The following LRP1B variants were observed in gnomAD, a reference collection of about 807,000 sequenced individuals.
The protein encoded by LRP1B is LDL receptor related protein 1B, also known as low-density lipoprotein receptor-related protein 1B.
LRP1B carries 217 observed loss-of-function variants against 556.6 expected under a neutral mutation model. The observed-to-expected ratio is 0.39, with a 90% confidence interval of 0.35 to 0.44. The LOEUF (loss-of-function observed/expected upper bound fraction) is 0.44, where lower values mean the gene tolerates loss of function less well. Among genes scored for constraint, LRP1B ranks in the 20% least tolerant of loss-of-function variants. The pLI is 1.00. For missense variants in LRP1B, 5,053 were observed against 5,620.8 expected, an observed-to-expected ratio of 0.90 and a Z score of 3.23; for synonymous variants, 2,047 against 1,865.8, an observed-to-expected ratio of 1.10 and a Z score of -2.50.
chr2:141,705,086 T>C (rs1692089684), intron 2 of LRP1B, among the ~76,000 whole-genome samples: 1 of 151,958 alleles, frequency 6.6e-6, no homozygotes, highest in Non-Finnish European at 1.5e-5. Flanking sequence ...TTAATTCTTA[T>C]AAAAACTATG....
chr2:140,559,734 A>G (rs1393409176), intron 43 of LRP1B, among the ~76,000 whole-genome samples: 1 of 150,318 alleles, frequency 6.7e-6, no homozygotes, highest in Non-Finnish European at 1.5e-5. Flanking sequence ...ATAAATTTCC[A>G]TGATTCCACA....
At chr2:140,291,848 T>C (rs1170518931) in intron 84 of LRP1B, among the ~76,000 whole-genome samples, 1 of 152,172 alleles carries the variant, frequency 6.6e-6, no homozygotes, top group Non-Finnish European at 1.5e-5. Flanking sequence ...CTGGGTCAAA[T>C]GGTATTTCTA....
intron 3 of LRP1B, among the ~76,000 whole-genome samples, chr2:141,271,661 C>A (rs1482097919): frequency 6.7e-6 from 1 of 148,412 alleles, no homozygotes; most frequent in Non-Finnish European, 1.5e-5. Flanking sequence ...AATTAGAATT[C>A]AAAATAAACT....
At chr2:141,617,524 T>A (rs938170153) in intron 2 of LRP1B, among the ~76,000 whole-genome samples, 1 of 152,206 alleles carries the variant, frequency 6.6e-6, no homozygotes, top group Admixed American at 6.5e-5. Flanking sequence ...AAATTTTCTC[T>A]GGATTTCTCA....
intron 41 of LRP1B, among the ~76,000 whole-genome samples, chr2:140,692,655 T>C (rs1686286048): frequency 6.6e-6 from 1 of 152,138 alleles, no homozygotes. Context: ...TCCATATTTA[T>C]CTTCATCTCT....
At chr2:141,932,877 C>T (rs1489781607) in intron 1 of LRP1B, among the ~76,000 whole-genome samples, 1 of 151,942 alleles carries the variant, frequency 6.6e-6, no homozygotes, top group Admixed American at 6.6e-5. Flanking sequence ...AGTGTTTTTA[C>T]ATTTTCTGAT....
chr2:140,941,528 G>A (rs968135881), intron 20 of LRP1B, among the ~76,000 whole-genome samples: 1 of 152,098 alleles, frequency 6.6e-6, no homozygotes, highest in African/African-American at 2.4e-5. Context: ...AGACATGAGA[G>A]CACCTATGTA....
chr2:141,369,549 TTCAG>T (rs1183128627), intron 3 of LRP1B, among the ~76,000 whole-genome samples: 1 of 152,200 alleles, frequency 6.6e-6, no homozygotes, highest in African/African-American at 2.4e-5. Flanking sequence ...ATGCTTTGTT[TTCAG>T]TCAATTTATA....
intron 2 of LRP1B, among the ~76,000 whole-genome samples, chr2:141,625,243 G>A (rs922242099): frequency 2.6e-5 from 4 of 152,098 alleles, no homozygotes; most frequent in African/African-American, 9.7e-5. Flanking sequence ...CCAATACAAT[G>A]CCAACATGAT....
At chr2:141,994,460 A>G (rs1025730844) in intron 1 of LRP1B, among the ~76,000 whole-genome samples, 2 of 152,148 alleles carry the variant, frequency 1.3e-5, no homozygotes, top group East Asian at 3.9e-4. Flanking sequence ...CACACAAAAT[A>G]TTTTCATGCA....
chr2:141,406,861 C>A (rs976801898), intron 3 of LRP1B, among the ~76,000 whole-genome samples: 2 of 152,040 alleles, frequency 1.3e-5, no homozygotes, highest in African/African-American at 2.4e-5. Context: ...GTGCTGTAAG[C>A]TTTTAACATC....
intron 3 of LRP1B, among the ~76,000 whole-genome samples, chr2:141,392,765 C>A (rs1190179199): frequency 6.6e-6 from 1 of 152,166 alleles, no homozygotes; most frequent in Non-Finnish European, 1.5e-5. Flanking sequence ...TTAGTGAGAT[C>A]AGACTACAAT....
At chr2:142,107,838 G>T (rs1432119338) in intron 1 of LRP1B, among the ~76,000 whole-genome samples, 1 of 136,976 alleles carries the variant, frequency 7.3e-6, no homozygotes, top group Non-Finnish European at 1.5e-5. Flanking sequence ...TAGAGACAGG[G>T]TTTCACCGTG....
At chr2:141,826,608 C>T (rs933895885) in intron 1 of LRP1B, among the ~76,000 whole-genome samples, 1 of 152,118 alleles carries the variant, frequency 6.6e-6, no homozygotes, top group Non-Finnish European at 1.5e-5. Context: ...ATCCGCCCAC[C>T]TCAGCCTCCC....
rs779581655 is a variant in LRP1B, at chr2:140,444,533, T to C, written c.10174+30A>G. ...CATAATCAGTTGAAAATTAGACTTATGTTCATTAGTTAGGAATTTAATCAC... is the reference window on the plus strand; with the variant it reads ...CATAATCAGTTGAAAATTAGACTTACGTTCATTAGTTAGGAATTTAATCAC... On this transcript the variant is annotated intron_variant, in intron 64 of 90. Coordinates refer to ENST00000389484, the MANE Select transcript of LRP1B (RefSeq NM_018557.3). The C allele has an allele frequency of 3.7e-6, 6 of 1,612,078 alleles. No individual in the cohort carries two copies. In the South Asian group the frequency reaches 5.5e-5, roughly 15 times the overall value.
chr2:140,494,606 CAAAAAAA>C (rs77006034), intron 56 of LRP1B, among the ~76,000 whole-genome samples: 1 of 64,196 alleles, frequency 1.6e-5, no homozygotes, highest in Non-Finnish European at 3.1e-5. Context: ...GACTCCGTCT[CAAAAAAA>C]AAAAAAAAAA....
intron 6 of LRP1B, among the ~76,000 whole-genome samples, chr2:141,213,111 T>C (rs1682639605): frequency 6.8e-6 from 1 of 147,816 alleles, no homozygotes; most frequent in Non-Finnish European, 1.5e-5. Context: ...CATCCTCAGC[T>C]AATTAATTTT....
rs1251731403 is a variant in LRP1B, at chr2:140,598,819, T to A, written c.7006A>T (p.Asn2336Tyr). ...ATACTTGGATGTTGTTCATTCCAGTTGGTCCAAAACATTAAACTAATTAAA... is the reference window on the plus strand; with the variant it reads ...ATACTTGGATGTTGTTCATTCCAGTAGGTCCAAAACATTAAACTAATTAAA... ...DECQNLMFWTNWNEQHPSIMR... is the reference protein window; with the variant it reads ...DECQNLMFWTYWNEQHPSIMR... The change falls in exon 43 of 91, where the codon AAC becomes TAC. Residue 2336 changes from asparagine (N) to tyrosine (Y), a missense_variant. Physicochemically the swap from Asn to Tyr is moderately radical, Grantham distance 143 (BLOSUM62 -2). This residue lies in a region of LRP1B where 3,619 missense variants were observed against 3,931.9 expected (regional missense o/e 0.92). Transcript: ENST00000389484. The A allele has an allele frequency of 1.2e-6, 2 of 1,605,702 alleles. No individual in the cohort carries two copies. The highest frequency in any genetic ancestry group is 4.5e-5 in the East Asian group (2 of 44,760).
chr2:140,956,463 A>G (rs1695875897), intron 18 of LRP1B, among the ~76,000 whole-genome samples: 1 of 151,924 alleles, frequency 6.6e-6, no homozygotes, highest in East Asian at 1.9e-4. Flanking sequence ...TCTAATTTTT[A>G]CCTACCTTAT....
Sources: allele counts gnomAD v4.1 joint callset (sites outside exome capture counted in the v4.1 genomes callset), GRCh38; gene constraint gnomAD v4.1.1; regional missense constraint gnomAD v4.1.1; transcripts MANE v1.5; gene names NCBI Gene and HGNC (gene_info 2026-07-23, HGNC 2026-07-21).